The following RASEF variants were observed in gnomAD, a reference collection of about 807,000 sequenced individuals.
The protein encoded by RASEF is RAS and EF-hand domain containing.
In RASEF, 68 loss-of-function variants were observed where a neutral mutation model predicts 90.1. That is an observed-to-expected ratio of 0.75 (90% confidence interval 0.62 to 0.92). RASEF has a LOEUF of 0.92. RASEF is among the 40% of genes least tolerant of loss of function. The pLI is 0.00. For synonymous variants in RASEF, 331 were observed against 345.2 expected (o/e 0.96, Z 0.46); for missense variants, 949 against 937.2 (o/e 1.01, Z -0.16).
chr9:83,038,058 T>A (rs1829774976), intron 1 of RASEF, among the ~76,000 whole-genome samples: 1 of 152,092 alleles, frequency 6.6e-6, no homozygotes, highest in African/African-American at 2.4e-5. Flanking sequence ...TTATATTCTG[T>A]AACAATAGGA....
intron 2 of RASEF, 97 bp from the exon 3 acceptor site, chr9:83,022,523 C>T: frequency 1.2e-6 from 1 of 849,588 alleles, no homozygotes; most frequent in Non-Finnish European, 2.0e-6. Context: ...CTATATATTA[C>T]AGATGAAGAG....
the RASEF span, among the ~76,000 whole-genome samples, chr9:83,123,545 T>C: frequency 9.8e-4 from 149 of 152,290 alleles, 1 homozygote; most frequent in African/African-American, 3.6e-3. Flanking sequence ...AGATACAGAA[T>C]TGATCCTGCT....
At chr9:83,065,147 T>C (rs150467808), upstream of RASEF, among the ~76,000 whole-genome samples, 499 of 152,314 alleles carry the variant, frequency 3.3e-3, 3 homozygotes, top group African/African-American at 0.011. Flanking sequence ...CTTATTCTTA[T>C]TTCTACCAAT....
At chr9:83,200,600 T>C in the RASEF span, among the ~76,000 whole-genome samples, 1 of 152,158 alleles carries the variant, frequency 6.6e-6, no homozygotes, top group Non-Finnish European at 1.5e-5. Flanking sequence ...TTGTCTCCCT[T>C]TGCTGCCTTA....
the RASEF span, among the ~76,000 whole-genome samples, chr9:83,096,166 C>T: frequency 1.2e-4 from 19 of 152,180 alleles, no homozygotes; most frequent in Admixed American, 1.2e-3. Flanking sequence ...CATACCAGTG[C>T]AATTCCAGTC....
the RASEF span, among the ~76,000 whole-genome samples, chr9:83,162,146 G>T: frequency 6.6e-6 from 1 of 152,162 alleles, no homozygotes; most frequent in South Asian, 2.1e-4. Flanking sequence ...ATTTACTCTG[G>T]ATTTACTAGG....
intron 13 of RASEF, 144 bp downstream of exon 13, chr9:82,998,221 A>G: frequency 1.9e-6 from 1 of 525,438 alleles, no homozygotes; most frequent in East Asian, 3.1e-5. Flanking sequence ...GTTATAATAC[A>G]TTTTATAATT....
rs565084412 is a variant in RASEF, at chr9:83,011,432, G to A, written c.843+1002C>T. Among the ~76,000 whole-genome samples, 11 of 150,696 alleles carry A rather than the reference G, an allele frequency of 7.3e-5. No individual in the cohort carries two copies. In the East Asian group the frequency reaches 1.2e-3, roughly 16 times the overall value. ...CGGGGCGTGGTGGTGCGCATCTATA[G>A]TTCCAGCTACTTGGGAGGCTGAGGC... is the stretch of plus-strand genomic sequence containing the variant. On this transcript the variant is annotated intron_variant, in intron 5 of 16. Transcript: ENST00000376447.
chr9:83,188,662 C>T, the RASEF span, among the ~76,000 whole-genome samples: 1 of 152,332 alleles, frequency 6.6e-6, no homozygotes, highest in South Asian at 2.1e-4. Context: ...GCACAAAACA[C>T]ACATACCGGA....
chr9:83,069,489 A>C, the RASEF span, among the ~76,000 whole-genome samples: 1 of 152,208 alleles, frequency 6.6e-6, no homozygotes, highest in Non-Finnish European at 1.5e-5. Context: ...AGATTAATTC[A>C]GTAGTTCATT....
At chr9:83,010,510 C>T (rs1829220187) in intron 5 of RASEF, among the ~76,000 whole-genome samples, 1 of 152,034 alleles carries the variant, frequency 6.6e-6, no homozygotes, top group South Asian at 2.1e-4. Flanking sequence ...GACACAGAAT[C>T]CAGAAGGAGA....
At chr9:83,193,892 A>T in the RASEF span, among the ~76,000 whole-genome samples, 71 of 152,322 alleles carry the variant, frequency 4.7e-4, no homozygotes, top group Non-Finnish European at 3.4e-4. Flanking sequence ...TCCCCCAAGG[A>T]TCAAGGAGTC....
At chr9:83,036,072 T>C (rs1195009550) in intron 1 of RASEF, among the ~76,000 whole-genome samples, 1 of 152,218 alleles carries the variant, frequency 6.6e-6, no homozygotes, top group Non-Finnish European at 1.5e-5. Context: ...AGTGAAAAGA[T>C]AGAATAATAT....
chr9:83,000,039 T>G, intron 12 of RASEF, 130 bp downstream of exon 12: 2 of 475,076 alleles, frequency 4.2e-6, no homozygotes, highest in Non-Finnish European at 7.3e-6. Context: ...ACACACACAT[T>G]TATATATGTG....
At chr9:83,186,889 C>T in the RASEF span, among the ~76,000 whole-genome samples, 1 of 152,008 alleles carries the variant, frequency 6.6e-6, no homozygotes, top group African/African-American at 2.4e-5. Context: ...GACTGCCTCC[C>T]ACCAACACCT....
the RASEF span, among the ~76,000 whole-genome samples, chr9:83,080,351 T>TA: frequency 2.0e-5 from 3 of 152,220 alleles, no homozygotes; most frequent in Non-Finnish European, 2.9e-5. Flanking sequence ...TCCATACAGA[T>TA]ATGGCTGTGC....
rs556496260 is a variant in RASEF, at chr9:83,047,807, C to G, written c.431+14630G>C. 1.1e-4 allele frequency among the ~76,000 whole-genome samples: 17 copies of G among 152,286 alleles called. No individual in the cohort carries two copies. The East Asian group carries it at 3.3e-3, about 29-fold the overall frequency. ...GGAAATAAGTAACACCATTAAAGTT[C>G]TAAGTTAGGATGTCATGGAACAACA... On this transcript the variant is annotated intron_variant, in intron 1 of 16. Coordinates refer to ENST00000376447, the MANE Select transcript of RASEF (RefSeq NM_152573.4).
At chr9:83,109,139 T>A in the RASEF span, among the ~76,000 whole-genome samples, 1 of 152,244 alleles carries the variant, frequency 6.6e-6, no homozygotes, top group African/African-American at 2.4e-5. Flanking sequence ...CAATGGAGTG[T>A]ATGTGGACAT....
chr9:83,200,517 A>C, the RASEF span, among the ~76,000 whole-genome samples: 1 of 152,216 alleles, frequency 6.6e-6, no homozygotes, highest in Non-Finnish European at 1.5e-5. Context: ...ACTCCCACTG[A>C]GTTTTTTATT....
Sources: allele counts gnomAD v4.1 joint callset (sites outside exome capture counted in the v4.1 genomes callset), GRCh38; gene constraint gnomAD v4.1.1; transcripts MANE v1.5; gene names NCBI Gene and HGNC (gene_info 2026-07-23, HGNC 2026-07-21).